Variants in HPCAL1 observed in about 807,000 individuals in gnomAD.
HPCAL1 encodes hippocalcin-like protein 1.
In HPCAL1, 8 loss-of-function variants were observed where a neutral mutation model predicts 17.1. The ratio of observed to expected loss-of-function variants is 0.47; its 90% CI spans 0.27 to 0.84. The LOEUF is 0.84. HPCAL1 is among the 40% of genes least tolerant of loss of function. HPCAL1 has a pLI of 0.13. For missense variants in HPCAL1, 165 were observed against 271.1 expected, an observed-to-expected ratio of 0.61 and a Z score of 2.75; for synonymous variants, 112 against 111.4, an observed-to-expected ratio of 1.01 and a Z score of -0.03.
At chr2:10,408,592 G>A (rs1481324886) in intron 2 of HPCAL1, 2 of 152,370 alleles carry the variant, frequency 1.3e-5, no homozygotes, top group African/African-American at 4.8e-5. Flanking sequence ...AAGAGAAGGA[G>A]GAACCTTTTC....
At chr2:10,390,595 C>T (rs1250915765) in intron 1 of HPCAL1, among the ~76,000 whole-genome samples, 2 of 152,104 alleles carry the variant, frequency 1.3e-5, no homozygotes, top group Non-Finnish European at 2.9e-5. Context: ...ATCTCTTGAG[C>T]ACACATCTGC....
At chr2:10,320,181 T>A in intron 1 of HPCAL1, among the ~76,000 whole-genome samples, 1 of 152,150 alleles carries the variant, frequency 6.6e-6, no homozygotes, top group East Asian at 1.9e-4. Flanking sequence ...AGGGCTTCAG[T>A]CCTGGCCTTT....
At chr2:10,405,491 C>A (rs190930963) in intron 2 of HPCAL1, among the ~76,000 whole-genome samples, 3 of 152,246 alleles carry the variant, frequency 2.0e-5, no homozygotes, top group Non-Finnish European at 4.4e-5. Context: ...CCCGTAGTCT[C>A]AGTTTTGCTC....
chr2:10,381,423 G>A (rs1413076710), intron 1 of HPCAL1, among the ~76,000 whole-genome samples: 1 of 152,194 alleles, frequency 6.6e-6, no homozygotes, highest in Non-Finnish European at 1.5e-5. Context: ...AAGTGGATGC[G>A]ACGCTCCTTC....
At chr2:10,383,033 G>A (rs778103350) in intron 1 of HPCAL1, among the ~76,000 whole-genome samples, 13 of 152,316 alleles carry the variant, frequency 8.5e-5, no homozygotes, top group South Asian at 2.1e-4. Context: ...GGAATGAGGC[G>A]TGGTTTAATC....
At position 10,343,998 on chromosome 2, in the gene HPCAL1, G is replaced by A. The variant is rs992477413; in HGVS notation, c.-111+40821G>A. On this transcript the variant is annotated intron_variant, in intron 1 of 4. Coordinates refer to ENST00000307845, the MANE Select transcript of HPCAL1 (RefSeq NM_002149.4). This position sits in a 1 kb window ranked among gnomAD's most constrained non-coding sequence, Gnocchi z 4.8. ...AGACCCGGCAGGAGTACCGGCGGCT[G>A]TGTGGTGCATCCTGCACAGAGCTGT... Among the ~76,000 whole-genome samples, 1 of 152,216 alleles carries A rather than the reference G, an allele frequency of 6.6e-6. No individual in the cohort carries two copies. The highest frequency in any genetic ancestry group is 2.4e-5 in the African/African-American group (1 of 41,450).
intron 1 of HPCAL1, among the ~76,000 whole-genome samples, chr2:10,353,638 G>C (rs964476521): frequency 1.3e-5 from 2 of 152,202 alleles, no homozygotes; most frequent in Admixed American, 6.5e-5. Flanking sequence ...CATGATCAGG[G>C]CTCACTGCAG....
At position 10,427,065 on chromosome 2, in the gene HPCAL1, G is replaced by A; in HGVS notation, c.*244G>A. On this transcript the variant is annotated 3_prime_UTR_variant, in exon 5 of 5. Transcript: ENST00000307845. ...TCCCAGGGATGTGGTGACATGCAGG[G>A]TTCAAGTGTTCTTGGTTCCAGGCAC... 1 of 519,778 alleles carries A rather than the reference G, an allele frequency of 1.9e-6. No homozygotes were observed. Among genetic ancestry groups the A allele is most frequent in the East Asian group, 3.4e-5 (1 of 29,144 alleles). The allele number at this position is 519,778 out of a possible 1,614,324, so 32.2% of individuals were successfully genotyped here.
chr2:10,320,658 G>A (rs574022405), intron 1 of HPCAL1, among the ~76,000 whole-genome samples: 3 of 152,330 alleles, frequency 2.0e-5, no homozygotes, highest in South Asian at 4.1e-4. Flanking sequence ...AGCAGAGACC[G>A]GGCCTGGAGA....
chr2:10,311,219 T>G (rs1436498193), intron 1 of HPCAL1, among the ~76,000 whole-genome samples: 2 of 152,068 alleles, frequency 1.3e-5, no homozygotes, highest in African/African-American at 2.4e-5. Flanking sequence ...TCTTCAGTCA[T>G]GCAGTTTGGA....
chr2:10,351,313 A>G (rs1044715294), intron 1 of HPCAL1, among the ~76,000 whole-genome samples: 2 of 152,254 alleles, frequency 1.3e-5, no homozygotes, highest in African/African-American at 4.8e-5. Context: ...AAAAGACCAC[A>G]TATAATACGA....
intron 2 of HPCAL1, among the ~76,000 whole-genome samples, chr2:10,412,322 G>C (rs1670407615): frequency 6.6e-6 from 1 of 152,212 alleles, no homozygotes; most frequent in South Asian, 2.1e-4. Flanking sequence ...ACCATCCTTA[G>C]GTACATGACT....
At chr2:10,409,015 C>T (rs560195324) in intron 2 of HPCAL1, among the ~76,000 whole-genome samples, 2 of 152,130 alleles carry the variant, frequency 1.3e-5, no homozygotes, top group Admixed American at 1.3e-4. Context: ...CCGTTAGATC[C>T]CAAATGGTAT....
intron 2 of HPCAL1, among the ~76,000 whole-genome samples, chr2:10,413,673 C>A (rs1298877620): frequency 6.6e-6 from 1 of 152,204 alleles, no homozygotes; most frequent in Non-Finnish European, 1.5e-5. Context: ...TGGCACTGCC[C>A]CTAATCTGGT....
At chr2:10,333,887 A>G (rs1446014782) in intron 1 of HPCAL1, among the ~76,000 whole-genome samples, 2 of 152,228 alleles carry the variant, frequency 1.3e-5, no homozygotes, top group Non-Finnish European at 2.9e-5. Flanking sequence ...GGAATAAAAT[A>G]ATGTCATCTG....
At chr2:10,333,705 G>GA (rs1164327535) in intron 1 of HPCAL1, among the ~76,000 whole-genome samples, 2 of 152,096 alleles carry the variant, frequency 1.3e-5, no homozygotes, top group Non-Finnish European at 2.9e-5. Flanking sequence ...GGAAAACACA[G>GA]AAAAACAGAG....
At chr2:10,418,165 C>T (rs1670791943) in intron 2 of HPCAL1, among the ~76,000 whole-genome samples, 1 of 152,056 alleles carries the variant, frequency 6.6e-6, no homozygotes, top group Non-Finnish European at 1.5e-5. Flanking sequence ...GCCTATACTC[C>T]TAACACTTTG....
chr2:10,339,829 C>T (rs150399841), intron 1 of HPCAL1, among the ~76,000 whole-genome samples: 3 of 152,324 alleles, frequency 2.0e-5, no homozygotes, highest in East Asian at 1.9e-4. Context: ...GCTGGCGAAA[C>T]GGAGGCCCCA....
chr2:10,400,416 G>A (rs190950417), intron 2 of HPCAL1, among the ~76,000 whole-genome samples: 7 of 152,368 alleles, frequency 4.6e-5, no homozygotes, highest in Non-Finnish European at 8.8e-5. Context: ...TCTGGAAGAA[G>A]TTAGATGAAC....
Sources: allele counts gnomAD v4.1 joint callset (sites outside exome capture counted in the v4.1 genomes callset), GRCh38; gene constraint gnomAD v4.1.1; non-coding constraint Gnocchi (gnomAD v3.1); transcripts MANE v1.5; gene names NCBI Gene and HGNC (gene_info 2026-07-23, HGNC 2026-07-21).